TRAK2: variants seen among roughly 807,000 people sequenced by gnomAD.
TRAK2 encodes the protein trafficking kinesin-binding protein 2.
TRAK2 carries 81 observed loss-of-function variants against 104.6 expected under a neutral mutation model. The observed-to-expected ratio is 0.77, with a 90% CI of 0.65 to 0.93. The LOEUF (loss-of-function observed/expected upper bound fraction) is 0.93, where lower values mean the gene tolerates loss of function less well. Among genes scored for constraint, TRAK2 ranks in the 40% least tolerant of loss-of-function variants. TRAK2 has a pLI of 0.00. For missense variants in TRAK2, 1,002 were observed against 1,089.0 expected (o/e 0.92, Z 1.12); for synonymous variants, 406 against 394.4 (o/e 1.03, Z -0.35).
chr2:201,404,797 CACAA>C (rs1261535960), intron 3 of TRAK2, among the ~76,000 whole-genome samples: 1 of 152,180 alleles, frequency 6.6e-6, no homozygotes, highest in Admixed American at 6.5e-5. Flanking sequence ...AGAAATGAAA[CACAA>C]ACAGTGCCCA....
At chr2:201,410,589 G>T in intron 2 of TRAK2, 2 of 1,245,012 alleles carry the variant, frequency 1.6e-6, no homozygotes, top group African/African-American at 1.5e-5. Context: ...AACTGCTATT[G>T]GTCATAGCAG....
rs1035614266 is a variant in TRAK2 at position 201,447,788 on chromosome 2, C to A, written c.-200+3562G>T. The stretch of plus-strand genomic sequence containing the variant: ...GAGGACACAATTCAGCCCATAACAA[C>A]CCCTTCCCCTTTTCTCTGCCCAGGC... On this transcript the variant is annotated intron_variant, in intron 1 of 15. Coordinates refer to ENST00000332624, the MANE Select transcript of TRAK2 (RefSeq NM_015049.3). This position sits in a 1 kb window ranked among gnomAD's most constrained non-coding sequence, Gnocchi z 4.1. Among the ~76,000 whole-genome samples the A allele has an allele frequency of 6.6e-6, 1 of 152,164 alleles. No homozygotes were observed. The highest frequency in any genetic ancestry group is 2.4e-5 in the African/African-American group (1 of 41,430).
intron 3 of TRAK2, among the ~76,000 whole-genome samples, chr2:201,403,925 G>C (rs1234462982): frequency 6.6e-6 from 1 of 152,120 alleles, no homozygotes; most frequent in Admixed American, 6.5e-5. Flanking sequence ...CAAAGGCTGG[G>C]CCTCTTCAGT....
At chr2:201,411,394 T>C in intron 2 of TRAK2, 2 of 747,608 alleles carry the variant, frequency 2.7e-6, no homozygotes, top group Non-Finnish European at 5.0e-6. Context: ...CTAAAAACCT[T>C]GTCAATTTGC....
At chr2:201,411,258 T>G in intron 2 of TRAK2, 2 of 735,810 alleles carry the variant, frequency 2.7e-6, no homozygotes, top group Non-Finnish European at 5.0e-6. Flanking sequence ...CTTCTATGCC[T>G]GCTCTTGTTC....
At chr2:201,408,788 C>T (rs1951619186) in intron 2 of TRAK2, among the ~76,000 whole-genome samples, 1 of 152,092 alleles carries the variant, frequency 6.6e-6, no homozygotes, top group South Asian at 2.1e-4. Context: ...AAATGATATG[C>T]TCTGTAATGA....
At chr2:201,389,089 G>A (rs1951419462) in intron 12 of TRAK2, among the ~76,000 whole-genome samples, 2 of 152,198 alleles carry the variant, frequency 1.3e-5, no homozygotes, top group South Asian at 4.1e-4. Flanking sequence ...GTCATCCGAT[G>A]TATTCATGCT....
chr2:201,410,517 C>G, intron 2 of TRAK2: 1 of 982,494 alleles, frequency 1.0e-6, no homozygotes, highest in South Asian at 1.5e-5. Context: ...ATGATTGGAA[C>G]TGAAATAATC....
chr2:201,400,954 G>T, intron 4 of TRAK2, 64 bp downstream of exon 4: 1 of 1,334,516 alleles, frequency 7.5e-7, no homozygotes, highest in South Asian at 1.2e-5. Flanking sequence ...GTGCAAATTT[G>T]ATAGATTCCA....
At chr2:201,391,294 T>C (rs1483450703) in intron 10 of TRAK2, among the ~76,000 whole-genome samples, 1 of 151,960 alleles carries the variant, frequency 6.6e-6, no homozygotes. Flanking sequence ...TTGAATAAAA[T>C]AGAAATCCAT....
intron 2 of TRAK2, chr2:201,412,411 C>T (rs910975752): frequency 8.3e-5 from 108 of 1,307,134 alleles, no homozygotes; most frequent in Non-Finnish European, 1.1e-4. Flanking sequence ...TACATGTTCA[C>T]GAACTTCCTC....
chr2:201,439,158 A>G (rs1951900461), intron 1 of TRAK2, among the ~76,000 whole-genome samples: 1 of 152,212 alleles, frequency 6.6e-6, no homozygotes, highest in Non-Finnish European at 1.5e-5. Flanking sequence ...AGTCTATAGT[A>G]GGGAGGAAAA....
chr2:201,435,191 G>A (rs1013811052), intron 1 of TRAK2, among the ~76,000 whole-genome samples: 3 of 152,108 alleles, frequency 2.0e-5, no homozygotes, highest in African/African-American at 7.2e-5. Context: ...CAAGTAGCCT[G>A]GACTACAGGC....
At chr2:201,389,149 T>C (rs1951420143) in intron 12 of TRAK2, 151 bp downstream of exon 12, 2 of 772,642 alleles carry the variant, frequency 2.6e-6, no homozygotes, top group Non-Finnish European at 4.2e-6. Flanking sequence ...ATCTGTCTCA[T>C]GAATAATGAT....
chr2:201,434,367 A>T (rs1951866612), intron 1 of TRAK2, among the ~76,000 whole-genome samples: 1 of 152,162 alleles, frequency 6.6e-6, no homozygotes, highest in South Asian at 2.1e-4. Context: ...CACTGCTTTC[A>T]GGGACAAAAA....
At chr2:201,393,201 A>C (rs542216667) in intron 9 of TRAK2, among the ~76,000 whole-genome samples, 155 bp from the exon 10 acceptor site, 3 of 152,248 alleles carry the variant, frequency 2.0e-5, no homozygotes, top group Non-Finnish European at 4.4e-5. Flanking sequence ...CAAACTAAGC[A>C]AGAAGCGTAT....
At chr2:201,423,028 ACAC>A (rs1182925352) in intron 1 of TRAK2, among the ~76,000 whole-genome samples, 1 of 138,222 alleles carries the variant, frequency 7.2e-6, no homozygotes, top group Non-Finnish European at 1.5e-5. Context: ...AACAACAGCA[ACAC>A]CACCACCACA....
rs760865337 is a variant in TRAK2 at position 201,380,564 on chromosome 2, C to T, written c.2724G>A (p.Met908Ile). 1 of 1,613,814 alleles carries T rather than the reference C, an allele frequency of 6.2e-7. No homozygotes were observed. Among genetic ancestry groups the T allele is most frequent in the South Asian group, 1.1e-5 (1 of 91,062 alleles). The change falls in exon 16 of 16, where the codon ATG (methionine) becomes ATA (isoleucine). Residue 908 changes from methionine (M) to isoleucine (I), a missense_variant. Physicochemically the swap from Met to Ile is conservative, Grantham distance 10 (BLOSUM62 1). Transcript: ENST00000332624. ...AAPVCTSSPK[M>I]GVLKED ...AACCTCAGTCCTCCTTCAGGACACC[C>T]ATTTTGGGTGAGGATGTGCAAACTG...
At position 201,377,559 on chromosome 2, in the gene TRAK2, CT is replaced by C. The variant is rs1245524308; in HGVS notation, c.*2983del. On this transcript the variant is annotated 3_prime_UTR_variant, in exon 16 of 16. Coordinates refer to ENST00000332624, the MANE Select transcript of TRAK2 (RefSeq NM_015049.3). ...TAAAATGGTCAGAAAAGATAACAAG[CT>C]TTGAGTACTGTGTAAAATTATACCC... 1 of 152,552 alleles carries C rather than the reference CT, an allele frequency of 6.6e-6. No individual in the cohort carries two copies. The highest frequency in any genetic ancestry group is 1.9e-4 in the East Asian group (1 of 5,202). The allele number at this position is 152,552 out of a possible 1,614,324, so 9.4% of individuals were successfully genotyped here. A position where few individuals can be genotyped will look rare whatever the true frequency, so the allele number is the denominator to read the frequency against.
Sources: gnomAD v4.1 joint callset for allele counts (sites outside exome capture counted in the v4.1 genomes callset) on GRCh38, gnomAD v4.1.1 for gene constraint, Gnocchi (gnomAD v3.1) non-coding constraint, MANE v1.5 for transcripts, NCBI Gene and HGNC (gene_info 2026-07-23, HGNC 2026-07-21) for gene names.